PDE4D: variants seen among roughly 807,000 people sequenced by gnomAD.
The protein encoded by PDE4D is phosphodiesterase 4D, also known as 3',5'-cyclic-AMP phosphodiesterase 4D.
PDE4D carries 24 observed loss-of-function variants against 87.4 expected under a neutral mutation model. The observed-to-expected ratio is 0.27, with a 90% CI of 0.20 to 0.39. The LOEUF (loss-of-function observed/expected upper bound fraction) is 0.39. PDE4D is among the 10% of genes least tolerant of loss of function. The probability of loss-of-function intolerance (pLI) is 1.00; values close to 1 mark genes in which losing one functional copy is unlikely to be tolerated. For synonymous variants in PDE4D, 384 were observed against 383.2 expected (o/e 1.00, Z -0.02); for missense variants, 714 against 1,041.0 (o/e 0.69, Z 4.32).
chr5:60,108,106 A>C (rs990209670), intron 2 of PDE4D, among the ~76,000 whole-genome samples: 2 of 151,840 alleles, frequency 1.3e-5, no homozygotes, highest in Admixed American at 1.3e-4. Context: ...ATATCTAGAA[A>C]ACCCCATCGT....
At chr5:60,109,769 C>A (rs1439829751) in intron 2 of PDE4D, among the ~76,000 whole-genome samples, 1 of 151,298 alleles carries the variant, frequency 6.6e-6, no homozygotes, top group Non-Finnish European at 1.5e-5. Flanking sequence ...GGACAAAAAA[C>A]CAAACACCGC....
At chr5:60,061,625 A>G (rs1361263612) in intron 2 of PDE4D, among the ~76,000 whole-genome samples, 5 of 152,140 alleles carry the variant, frequency 3.3e-5, no homozygotes, top group Non-Finnish European at 4.4e-5. Flanking sequence ...GTATAGCCAA[A>G]ACAATTCTAA....
rs1561646381 is a variant in PDE4D at position 59,181,570 on chromosome 5, ATT to A, written c.759-928_759-927del. 1.4e-4 allele frequency among the ~76,000 whole-genome samples: 19 copies of A among 134,832 alleles called. 1 individual carries two copies. The highest frequency in any genetic ancestry group is 4.6e-4 in the South Asian group (2 of 4,328). The allele number at this position is 134,832 out of a possible 152,430, so 88.5% of individuals were successfully genotyped here. A position where few individuals can be genotyped will look rare whatever the true frequency, so the allele number is the denominator to read the frequency against. Reference sequence around the variant, plus strand: ...TATATATATATATATATATATATATATTAGGTATATAATAATTATATATATAT... The same window carrying A: ...TATATATATATATATATATATATATAAGGTATATAATAATTATATATATAT... On this transcript the variant is annotated intron_variant, in intron 4 of 14. Transcript: ENST00000340635.
intron 1 of PDE4D, among the ~76,000 whole-genome samples, chr5:60,509,150 T>C (rs972225505): frequency 5.9e-5 from 9 of 152,202 alleles, no homozygotes; most frequent in Non-Finnish European, 1.2e-4. Flanking sequence ...AGATTTCTTC[T>C]TATTACAGCC....
At chr5:60,172,797 T>C (rs571473695) in intron 2 of PDE4D, among the ~76,000 whole-genome samples, 1 of 152,254 alleles carries the variant, frequency 6.6e-6, no homozygotes, top group African/African-American at 2.4e-5. Flanking sequence ...CTTATATCTA[T>C]TCACTTACCA....
At chr5:59,978,056 T>A (rs369746616) in intron 3 of PDE4D, among the ~76,000 whole-genome samples, 4 of 152,236 alleles carry the variant, frequency 2.6e-5, no homozygotes, top group East Asian at 3.8e-4. Context: ...ACAATGCACC[T>A]AGTCACTCAA....
At chr5:59,210,455 T>C (rs1749828936) in intron 2 of PDE4D, among the ~76,000 whole-genome samples, 1 of 152,166 alleles carries the variant, frequency 6.6e-6, no homozygotes, top group South Asian at 2.1e-4. Context: ...GGTGAGGGAC[T>C]TGTTAATTGC....
intron 1 of PDE4D, among the ~76,000 whole-genome samples, chr5:59,327,275 C>G (rs1212054253): frequency 6.6e-6 from 1 of 151,816 alleles, no homozygotes; most frequent in Admixed American, 6.6e-5. Context: ...GTCTCTGGAT[C>G]TGGTAGCTAA....
At chr5:60,384,674 A>G (rs939534289) in intron 1 of PDE4D, among the ~76,000 whole-genome samples, 2 of 152,140 alleles carry the variant, frequency 1.3e-5, no homozygotes, top group African/African-American at 4.8e-5. Context: ...TGGTACTCCC[A>G]GAAGTTTGTT....
chr5:59,011,376 G>A (rs1220652219), intron 6 of PDE4D, among the ~76,000 whole-genome samples: 3 of 152,100 alleles, frequency 2.0e-5, no homozygotes, highest in Admixed American at 6.6e-5. Context: ...CAAACCCATC[G>A]CAAAGAAGCT....
At chr5:59,668,974 C>T (rs1057375012) in intron 1 of PDE4D, among the ~76,000 whole-genome samples, 1 of 152,008 alleles carries the variant, frequency 6.6e-6, no homozygotes, top group Admixed American at 6.6e-5. Flanking sequence ...CTGAGGGTCA[C>T]AGATTCTTTT....
chr5:60,116,108 G>A (rs1462454530), intron 2 of PDE4D, among the ~76,000 whole-genome samples: 1 of 151,964 alleles, frequency 6.6e-6, no homozygotes, highest in Non-Finnish European at 1.5e-5. Context: ...CTCCAGAAAG[G>A]TCTTCTACAT....
chr5:60,442,513 C>T (rs766976560), intron 1 of PDE4D, among the ~76,000 whole-genome samples: 23 of 152,018 alleles, frequency 1.5e-4, no homozygotes, highest in Admixed American at 7.2e-4. Flanking sequence ...CAGCAAACCA[C>T]CACAACACGT....
intron 2 of PDE4D, among the ~76,000 whole-genome samples, chr5:60,038,175 T>C (rs1312380942): frequency 6.6e-6 from 1 of 152,180 alleles, no homozygotes; most frequent in African/African-American, 2.4e-5. Context: ...TTGCTTTTGG[T>C]GTTTTAGACA....
At chr5:60,172,095 TGAGTG>T (rs1179960101) in intron 2 of PDE4D, among the ~76,000 whole-genome samples, 2 of 147,376 alleles carry the variant, frequency 1.4e-5, no homozygotes, top group African/African-American at 2.5e-5. Flanking sequence ...GAGAACTAAA[TGAGTG>T]AATATATATA....
At chr5:59,267,968 A>G (rs2153539331) in intron 1 of PDE4D, among the ~76,000 whole-genome samples, 1 of 152,208 alleles carries the variant, frequency 6.6e-6, no homozygotes, top group South Asian at 2.1e-4. Context: ...CATTAATGGC[A>G]GCTTTTGCCC....
chr5:60,089,314 C>A (rs1172197492), intron 2 of PDE4D, among the ~76,000 whole-genome samples: 1 of 151,666 alleles, frequency 6.6e-6, no homozygotes, highest in East Asian at 1.9e-4. Context: ...TTTAAAAAGT[C>A]AAAAAAGTCA....
In PDE4D at chr5:58,974,565, G is replaced by T; in HGVS notation, c.*99C>A. On this transcript the variant is annotated 3_prime_UTR_variant, in exon 15 of 15. Coordinates refer to ENST00000340635, the MANE Select transcript of PDE4D (RefSeq NM_001104631.2). The stretch of plus-strand genomic sequence containing the variant: ...GTTTTGTTCAACAAACGTCCTGGCA[G>T]ATGACAGTGAGGTGTGACCGTGGTT... 8.8e-7 allele frequency: 1 copy of T among 1,132,644 alleles called. No individual in the cohort carries two copies. The highest frequency in any genetic ancestry group is 1.3e-6 in the Non-Finnish European group (1 of 798,952). The allele number at this position is 1,132,644 out of a possible 1,614,324, so 70.2% of individuals were successfully genotyped here.
At position 59,526,218 on chromosome 5, in the gene PDE4D, G is replaced by T. The variant is rs1226039939; in HGVS notation, c.456-310250C>A. Reference sequence around the variant, plus strand: ...TTAGAAAAAGTACACGCTGCAGTTTGAAGTGCAAACCACAATGAGGCAATG... The same window carrying T: ...TTAGAAAAAGTACACGCTGCAGTTTTAAGTGCAAACCACAATGAGGCAATG... On this transcript the variant is annotated intron_variant, in intron 1 of 14. Coordinates refer to ENST00000340635, the MANE Select transcript of PDE4D (RefSeq NM_001104631.2). Among the ~76,000 whole-genome samples the T allele has an allele frequency of 2.0e-5, 3 of 152,278 alleles. No homozygotes were observed. The East Asian group carries it at 5.8e-4, about 29-fold the overall frequency.
Sources: allele counts gnomAD v4.1 joint callset (sites outside exome capture counted in the v4.1 genomes callset), GRCh38; gene constraint gnomAD v4.1.1; transcripts MANE v1.5; gene names NCBI Gene and HGNC (gene_info 2026-07-23, HGNC 2026-07-21).